The following KRT8 variants were observed in gnomAD, a reference collection of about 807,000 sequenced individuals.
KRT8 encodes the protein keratin, type II cytoskeletal 8.
Under a neutral mutation model 43.0 loss-of-function variants are expected in KRT8, and 24 were observed. That is an observed-to-expected ratio of 0.56 (90% CI 0.40 to 0.78). The LOEUF (loss-of-function observed/expected upper bound fraction) is 0.78, where lower values mean the gene tolerates loss of function less well. Ranked by LOEUF, KRT8 falls within the 30% of genes least tolerant of loss-of-function variation. The pLI, the probability that KRT8 is intolerant of heterozygous loss-of-function variation, is 0.00. For synonymous variants in KRT8, 214 were observed against 261.2 expected, an observed-to-expected ratio of 0.82 and a Z score of 1.74; for missense variants, 492 against 638.4, an observed-to-expected ratio of 0.77 and a Z score of 2.47.
intron 2 of KRT8, among the ~76,000 whole-genome samples, chr12:52,932,092 CTTT>C (rs139882612): frequency 3.9e-5 from 5 of 128,676 alleles, no homozygotes; most frequent in Admixed American, 1.6e-4. Context: ...GTAAATCATT[CTTT>C]TTTTTTTTTT....
At chr12:52,949,055 C>G in intron 2 of KRT8, 1 of 966,840 alleles carries the variant, frequency 1.0e-6, no homozygotes, top group Admixed American at 2.0e-5. Context: ...GCTTCCGAAG[C>G]GGCTCCGGGG....
chr12:52,932,017 G>C (rs981693281), intron 2 of KRT8, among the ~76,000 whole-genome samples: 1 of 151,544 alleles, frequency 6.6e-6, no homozygotes, highest in African/African-American at 2.4e-5. Context: ...GGCTGCTCTT[G>C]AACTCCTGGA....
At chr12:52,940,873 G>A (rs1055381195) in intron 2 of KRT8, among the ~76,000 whole-genome samples, 4 of 151,786 alleles carry the variant, frequency 2.6e-5, no homozygotes, top group African/African-American at 7.3e-5. Flanking sequence ...TGATCCACCC[G>A]CCTCACCCTC....
chr12:52,944,685 C>G (rs1368609921), intron 2 of KRT8, among the ~76,000 whole-genome samples: 1 of 152,200 alleles, frequency 6.6e-6, no homozygotes. Context: ...CTTCTCAGCG[C>G]TGACCCTTCC....
At chr12:52,898,283 A>G (rs1190895133) in intron 7 of KRT8, among the ~76,000 whole-genome samples, 178 bp downstream of exon 7, 6 of 152,222 alleles carry the variant, frequency 3.9e-5, no homozygotes, top group Admixed American at 3.9e-4. Flanking sequence ...TAAAGTTACT[A>G]AGTAATAAAG....
intron 3 of KRT8, 24 bp downstream of exon 3, chr12:52,901,135 A>G: frequency 6.4e-7 from 1 of 1,558,832 alleles, no homozygotes; most frequent in Non-Finnish European, 8.9e-7. Context: ...CAGTGTCCAG[A>G]TAGGAGAAGG....
chr12:52,946,132 C>T (rs1050486664), intron 2 of KRT8, among the ~76,000 whole-genome samples: 1 of 152,150 alleles, frequency 6.6e-6, no homozygotes, highest in Non-Finnish European at 1.5e-5. Flanking sequence ...CCAGCCCCCA[C>T]GCTGCACCTC....
intron 2 of KRT8, among the ~76,000 whole-genome samples, chr12:52,938,294 G>A (rs996553116): frequency 3.4e-5 from 5 of 148,924 alleles, no homozygotes; most frequent in South Asian, 2.1e-4. Context: ...TTGGCCTCCC[G>A]AGTAGCTGGG....
chr12:52,940,432 C>CAAAAAA (rs959352157), intron 2 of KRT8, among the ~76,000 whole-genome samples: 1 of 50,736 alleles, frequency 2.0e-5, no homozygotes, highest in Non-Finnish European at 4.3e-5. Context: ...GACTCAGTCT[C>CAAAAAA]AAAAAAAAAA....
At chr12:52,949,703 G>A in intron 1 of KRT8, 1 of 997,182 alleles carries the variant, frequency 1.0e-6, no homozygotes, top group Middle Eastern at 2.0e-4. Flanking sequence ...ACCGGGAGGG[G>A]GTTGGGCATA....
intron 2 of KRT8, among the ~76,000 whole-genome samples, chr12:52,924,580 C>T (rs1225485041): frequency 6.6e-6 from 1 of 151,682 alleles, no homozygotes; most frequent in Non-Finnish European, 1.5e-5. Context: ...CAGAGCCAGA[C>T]CCTGTCTCAA....
At chr12:52,914,750 C>G (rs908653212) in intron 2 of KRT8, among the ~76,000 whole-genome samples, 4 of 152,220 alleles carry the variant, frequency 2.6e-5, no homozygotes, top group Non-Finnish European at 4.4e-5. Context: ...TGGCTTTCAG[C>G]CTAGCCAGAT....
At chr12:52,937,177 C>T (rs952649732) in intron 2 of KRT8, among the ~76,000 whole-genome samples, 9 of 151,196 alleles carry the variant, frequency 6.0e-5, no homozygotes, top group Non-Finnish European at 1.2e-4. Context: ...TTGAGACCAA[C>T]CTGGGCAACA....
At chr12:52,926,845 C>T (rs1371864176) in intron 2 of KRT8, among the ~76,000 whole-genome samples, 1 of 152,170 alleles carries the variant, frequency 6.6e-6, no homozygotes, top group Non-Finnish European at 1.5e-5. Context: ...GCCCGCACAT[C>T]AGCGCCAAGG....
chr12:52,912,566 C>T (rs1430499926), intron 2 of KRT8, among the ~76,000 whole-genome samples: 4 of 152,198 alleles, frequency 2.6e-5, no homozygotes, highest in Non-Finnish European at 5.9e-5. Context: ...TTCTTGCTTT[C>T]CCAATCCACG....
chr12:52,900,382 G>A (rs1192299003), intron 4 of KRT8, among the ~76,000 whole-genome samples: 1 of 152,192 alleles, frequency 6.6e-6, no homozygotes, highest in East Asian at 1.9e-4. Flanking sequence ...CTGTGAAATG[G>A]GGTAATGACT....
chr12:52,904,040 G>T (rs1261262658), intron 1 of KRT8, among the ~76,000 whole-genome samples: 1 of 151,844 alleles, frequency 6.6e-6, no homozygotes, highest in Non-Finnish European at 1.5e-5. Flanking sequence ...GCCTCCGGGC[G>T]CCAAAGGCCT....
intron 2 of KRT8, among the ~76,000 whole-genome samples, chr12:52,915,504 T>G (rs966483650): frequency 2.0e-5 from 3 of 150,668 alleles, no homozygotes; most frequent in Non-Finnish European, 4.4e-5. Flanking sequence ...GGTCAGGAGG[T>G]CGAGACCAGC....
chr12:52,937,445 T>A (rs1192202298), intron 2 of KRT8, among the ~76,000 whole-genome samples: 1 of 151,540 alleles, frequency 6.6e-6, no homozygotes, highest in African/African-American at 2.4e-5. Context: ...CCCAGCACTT[T>A]GGGAGGCTGA....
Sources: allele counts gnomAD v4.1 joint callset (sites outside exome capture counted in the v4.1 genomes callset), GRCh38; gene constraint gnomAD v4.1.1; transcripts MANE v1.5; gene names NCBI Gene and HGNC (gene_info 2026-07-23, HGNC 2026-07-21).